The following SLC7A11 variants were observed in gnomAD, a reference collection of about 807,000 sequenced individuals.
SLC7A11 encodes the protein cystine/glutamate transporter.
A neutral mutation model predicts 54.5 loss-of-function variants in SLC7A11; 35 were observed. The ratio of observed to expected loss-of-function variants is 0.64; its 90% CI spans 0.49 to 0.85. SLC7A11 has a LOEUF of 0.85. SLC7A11 is among the 40% of genes least tolerant of loss of function. SLC7A11 has a pLI of 0.00. For synonymous variants in SLC7A11, 230 were observed against 225.2 expected (o/e 1.02, Z -0.19); for missense variants, 583 against 618.1 (o/e 0.94, Z 0.60).
chr4:138,166,419 C>T lies in SLC7A11; in HGVS notation c.*5537G>A, dbSNP rs898472465. 1 of 152,426 alleles carries T rather than the reference C, an allele frequency of 6.6e-6. No individual in the cohort carries two copies. The highest frequency in any genetic ancestry group is 2.4e-5 in the African/African-American group (1 of 41,448). 9.4% of individuals were successfully genotyped at this position (152,426 alleles called of 1,614,324 possible). A position where few individuals can be genotyped will look rare whatever the true frequency, so the allele number is the denominator to read the frequency against. ...CACCACTGCAAAAGAGATACCTGTG[C>T]ATTACTCTTTTTTTCCCCTCTGGCT... On this transcript the variant is annotated 3_prime_UTR_variant, in exon 12 of 12. Transcript: ENST00000280612.
intron 6 of SLC7A11, among the ~76,000 whole-genome samples, chr4:138,211,248 C>T (rs370740310): frequency 2.0e-5 from 3 of 151,788 alleles, no homozygotes; most frequent in Admixed American, 6.6e-5. Context: ...AGAGTAAGGA[C>T]GGCAAGAGTG....
Position 138,207,331 on chromosome 4 carries a change from A to G in SLC7A11, c.791+7254T>C, listed in dbSNP as rs1450546192. 2.0e-5 allele frequency among the ~76,000 whole-genome samples: 3 copies of G among 152,218 alleles called. No homozygotes were observed. In the East Asian group the frequency reaches 5.8e-4, roughly 29 times the overall value. On this transcript the variant is annotated intron_variant, in intron 6 of 11. Transcript: ENST00000280612. ...CTGTAATCTGCACATATACAGTTACAATATTATATGTTATTTTCTAGCGAC... is the reference window on the plus strand; with the variant it reads ...CTGTAATCTGCACATATACAGTTACGATATTATATGTTATTTTCTAGCGAC...
chr4:138,173,175 C>T (rs940004811), intron 11 of SLC7A11, among the ~76,000 whole-genome samples: 2 of 152,102 alleles, frequency 1.3e-5, no homozygotes, highest in East Asian at 3.9e-4. Flanking sequence ...TGAATTCCTA[C>T]AGAACCTTTT....
At chr4:138,183,116 C>A in intron 8 of SLC7A11, 86 bp downstream of exon 8, 1 of 925,514 alleles carries the variant, frequency 1.1e-6, no homozygotes, top group South Asian at 1.5e-5. Flanking sequence ...TTTGGAGGCA[C>A]TATTTCTTTT....
At chr4:138,228,619 C>T (rs921329935) in intron 3 of SLC7A11, among the ~76,000 whole-genome samples, 3 of 151,378 alleles carry the variant, frequency 2.0e-5, no homozygotes, top group Non-Finnish European at 2.9e-5. Flanking sequence ...ATTAGCAGGG[C>T]GTGATGGTGG....
At chr4:138,178,782 G>A (rs1736646039) in intron 11 of SLC7A11, among the ~76,000 whole-genome samples, 1 of 152,032 alleles carries the variant, frequency 6.6e-6, no homozygotes, top group South Asian at 2.1e-4. Flanking sequence ...TTTTAAGGTA[G>A]CGTACAGTCA....
chr4:138,217,560 T>C (rs571836461), intron 5 of SLC7A11, among the ~76,000 whole-genome samples: 6 of 152,252 alleles, frequency 3.9e-5, no homozygotes, highest in African/African-American at 1.4e-4. Context: ...ATTAGAAAAG[T>C]GAGGAGGGTA....
Position 138,170,686 on chromosome 4 carries a change from A to G in SLC7A11, c.*1270T>C, listed in dbSNP as rs563103348. On this transcript the variant is annotated 3_prime_UTR_variant, in exon 12 of 12. Coordinates refer to ENST00000280612, the MANE Select transcript of SLC7A11 (RefSeq NM_014331.4). ...CACTTATCCACAGATTCTCATTTCA[A>G]TTTTCTTCTTATCAGTTGTCTCTTT... The G allele has an allele frequency of 2.8e-4, 43 of 151,952 alleles. No homozygotes were observed. The highest frequency in any genetic ancestry group is 6.0e-4 in the Non-Finnish European group (41 of 67,996). The allele number at this position is 151,952 out of a possible 1,614,324, so 9.4% of individuals were successfully genotyped here. A position where few individuals can be genotyped will look rare whatever the true frequency, so the allele number is the denominator to read the frequency against.
At chr4:138,239,243 A>G (rs11727731) in intron 1 of SLC7A11, among the ~76,000 whole-genome samples, 68,044 of 151,978 alleles carry the variant, frequency 0.45, 16,094 homozygotes, top group Middle Eastern at 0.62. Flanking sequence ...TATATGCTTT[A>G]CTGAAACTCC....
chr4:138,199,569 T>C (rs1737225646), intron 6 of SLC7A11, among the ~76,000 whole-genome samples: 1 of 152,120 alleles, frequency 6.6e-6, no homozygotes, highest in Non-Finnish European at 1.5e-5. Context: ...ATCCTGTGTT[T>C]CTAAGTGCGC....
At position 138,229,247 on chromosome 4, in the gene SLC7A11, A is replaced by G. The variant is rs114449973; in HGVS notation, c.520+3020T>C. 8.0e-3 allele frequency among the ~76,000 whole-genome samples: 1,225 copies of G among 152,280 alleles called. 17 individuals are homozygous for G. The highest frequency in any genetic ancestry group is 0.028 in the African/African-American group (1,165 of 41,554). On this transcript the variant is annotated intron_variant, in intron 3 of 11. Coordinates refer to ENST00000280612, the MANE Select transcript of SLC7A11 (RefSeq NM_014331.4). ...TAGAAAATCACCTAGACTCACTTTG[A>G]AGAAAGCAGGGTGTGAGAGATTTGC...
intron 6 of SLC7A11, among the ~76,000 whole-genome samples, chr4:138,201,135 T>C (rs1737272358): frequency 6.6e-6 from 1 of 152,156 alleles, no homozygotes; most frequent in Admixed American, 6.6e-5. Flanking sequence ...TATTCTTTAA[T>C]ATCTCATTTT....
chr4:138,169,588 G>A lies in SLC7A11; in HGVS notation c.*2368C>T, dbSNP rs1736356528. The A allele has an allele frequency of 6.6e-6, 1 of 152,024 alleles. No individual in the cohort carries two copies. Among genetic ancestry groups the A allele is most frequent in the Non-Finnish European group, 1.5e-5 (1 of 67,990 alleles). 9.4% of individuals were successfully genotyped at this position (152,024 alleles called of 1,614,324 possible). A position where few individuals can be genotyped will look rare whatever the true frequency, so the allele number is the denominator to read the frequency against. On this transcript the variant is annotated 3_prime_UTR_variant, in exon 12 of 12. Transcript: ENST00000280612. ...AAGTCTGAGACCAATTTGCCACTGT[G>A]AATATAAGCACATTAACCCCAGGAA...
intron 6 of SLC7A11, among the ~76,000 whole-genome samples, chr4:138,206,381 T>TTATATATA (rs10659044): frequency 6.2e-4 from 90 of 145,248 alleles, no homozygotes; most frequent in South Asian, 2.0e-3. Context: ...TCAATGAGAT[T>TTATATATA]TATATATATA....
chr4:138,237,739 T>TATA (rs1738270196), intron 1 of SLC7A11, among the ~76,000 whole-genome samples: 13 of 9,184 alleles, frequency 1.4e-3, no homozygotes, highest in East Asian at 5.1e-3. Context: ...ATATATATAT[T>TATA]TTTTTTTTTT....
At position 138,179,209 on chromosome 4, in the gene SLC7A11, A is replaced by G. The variant is rs1259674358; in HGVS notation, c.1444+8T>C. 6.3e-7 allele frequency: 1 copy of G among 1,579,608 alleles called. No homozygotes were observed. The highest frequency in any genetic ancestry group is 1.7e-5 in the Admixed American group (1 of 59,766). On this transcript the variant is annotated splice_region_variant and intron_variant, in intron 11 of 11. Coordinates refer to ENST00000280612, the MANE Select transcript of SLC7A11 (RefSeq NM_014331.4). ...GCACAATGTCCTGAAAGTATTTAAAATTCTTACCCGACATTATTCTAAACC... is the reference window on the plus strand; with the variant it reads ...GCACAATGTCCTGAAAGTATTTAAAGTTCTTACCCGACATTATTCTAAACC...
chr4:138,201,460 T>C (rs1467373113), intron 6 of SLC7A11, among the ~76,000 whole-genome samples: 4 of 152,120 alleles, frequency 2.6e-5, no homozygotes, highest in African/African-American at 7.2e-5. Flanking sequence ...TTTAAAAAAC[T>C]ATGAGCCTGT....
rs113779742 is a variant in SLC7A11, at chr4:138,221,096, T to A, written c.647-1731A>T. 9.6e-3 allele frequency among the ~76,000 whole-genome samples: 1,463 copies of A among 152,294 alleles called. 39 individuals are homozygous for A. Among genetic ancestry groups the A allele is most frequent in the African/African-American group, 0.033 (1,378 of 41,576 alleles). On this transcript the variant is annotated intron_variant, in intron 4 of 11. Coordinates refer to ENST00000280612, the MANE Select transcript of SLC7A11 (RefSeq NM_014331.4). Reference sequence around the variant, plus strand: ...TCTTTTATCATAATCTGTGGTCTCTTTGGCATAAAGGCACAATATTTCTTA... The same window carrying A: ...TCTTTTATCATAATCTGTGGTCTCTATGGCATAAAGGCACAATATTTCTTA...
intron 3 of SLC7A11, 130 bp from the exon 4 acceptor site, chr4:138,223,454 C>A: frequency 1.1e-6 from 1 of 921,428 alleles, no homozygotes; most frequent in Non-Finnish European, 1.6e-6. Context: ...TTTAGAAATG[C>A]AGAATCTCAG....
Sources: gnomAD v4.1 joint callset for allele counts (sites outside exome capture counted in the v4.1 genomes callset) on GRCh38, gnomAD v4.1.1 for gene constraint, MANE v1.5 for transcripts, NCBI Gene and HGNC (gene_info 2026-07-23, HGNC 2026-07-21) for gene names.